FMNL2: variants seen among roughly 807,000 people sequenced by gnomAD.
The protein encoded by FMNL2 is formin like 2.
FMNL2 carries 51 observed loss-of-function variants against 130.2 expected under a neutral mutation model. The observed-to-expected ratio is 0.39, with a 90% CI of 0.31 to 0.49. The LOEUF (loss-of-function observed/expected upper bound fraction) is 0.49, where lower values mean the gene tolerates loss of function less well. Ranked by LOEUF, FMNL2 falls within the 20% of genes least tolerant of loss-of-function variation. The pLI is 0.85. For synonymous variants in FMNL2, 465 were observed against 467.1 expected (o/e 1.00, Z 0.06); for missense variants, 977 against 1,316.2 (o/e 0.74, Z 3.99).
Position 152,647,822 on chromosome 2 carries a change from G to A in FMNL2, c.3196G>A (p.Ala1066Thr), listed in dbSNP as rs748530572. Residue 1066 changes from alanine to threonine, a missense_variant, in exon 26 of 26, where the codon GCC becomes ACC. Physicochemically the swap from Ala to Thr is moderately conservative, Grantham distance 58 (BLOSUM62 0). This residue lies in a region of FMNL2 where 168 missense variants were observed against 168.8 expected (regional missense o/e 1.00). Transcript: ENST00000288670. ...TCTTAGAAACCAACCATACAGACGA[G>A]CCGATGCGGTGAGGAGAAGCGTCAG... Reference protein sequence around the residue: ...TDLRNQPYRRADAVRRSVRRR... With the variant: ...TDLRNQPYRRTDAVRRSVRRR... 2.5e-6 allele frequency: 4 copies of A among 1,613,974 alleles called. No homozygotes were observed. The Admixed American group carries it at 5.0e-5, about 20-fold the overall frequency.
At chr2:152,407,424 C>T (rs1008845384) in intron 1 of FMNL2, among the ~76,000 whole-genome samples, 2 of 152,100 alleles carry the variant, frequency 1.3e-5, no homozygotes, top group African/African-American at 4.8e-5. Context: ...TTTCTGCCGA[C>T]TCCTGACAGC....
chr2:152,517,833 T>A (rs1692860773), intron 1 of FMNL2, among the ~76,000 whole-genome samples: 1 of 152,212 alleles, frequency 6.6e-6, no homozygotes. Flanking sequence ...AGTGCGGACA[T>A]TCTGGTATAT....
intron 11 of FMNL2, among the ~76,000 whole-genome samples, chr2:152,611,852 T>G (rs912922878): frequency 1.3e-5 from 2 of 152,238 alleles, no homozygotes; most frequent in Admixed American, 6.5e-5. Flanking sequence ...GATAACCTCT[T>G]GCAGCCTTGC....
chr2:152,598,400 A>T (rs2105806279), intron 9 of FMNL2, among the ~76,000 whole-genome samples: 1 of 152,318 alleles, frequency 6.6e-6, no homozygotes, highest in South Asian at 2.1e-4. Flanking sequence ...TTTAAATACC[A>T]TTCTCAGGCT....
Position 152,580,980 on chromosome 2 carries a change from G to C in FMNL2, c.807G>C (p.Leu269=), listed in dbSNP as rs1469438161. 3.1e-6 allele frequency: 5 copies of C among 1,613,824 alleles called. No individual in the cohort carries two copies. Among genetic ancestry groups the C allele is most frequent in the Non-Finnish European group, 4.2e-6 (5 of 1,179,828 alleles). ...GAACAAAAGCCCTTGTCTTAGAACT[G>C]TTGGCAGCCGTTTGTCTTGTCAGAG... ...NPRTKALVLE[L]LAAVCLVRGG... is the part of the protein sequence containing the mutation. Residue 269 remains leucine, a synonymous_variant, in exon 9 of 26, where the codon CTG becomes CTC. Coordinates refer to ENST00000288670, the MANE Select transcript of FMNL2 (RefSeq NM_052905.4).
At chr2:152,484,150 C>T (rs1483660518) in intron 1 of FMNL2, among the ~76,000 whole-genome samples, 1 of 152,178 alleles carries the variant, frequency 6.6e-6, no homozygotes, top group African/African-American at 2.4e-5. Flanking sequence ...TTTCCTCCCT[C>T]CCATGCTGAA....
intron 13 of FMNL2, among the ~76,000 whole-genome samples, chr2:152,617,836 G>A (rs555484703): frequency 6.6e-6 from 1 of 152,100 alleles, no homozygotes; most frequent in Non-Finnish European, 1.5e-5. Flanking sequence ...AAGGCAAATG[G>A]CTTGCCTTTA....
intron 6 of FMNL2, among the ~76,000 whole-genome samples, chr2:152,565,727 T>C (rs1162679805): frequency 6.6e-6 from 1 of 152,172 alleles, no homozygotes; most frequent in East Asian, 1.9e-4. Flanking sequence ...ACCATTAATA[T>C]TTCTTCTACA....
At chr2:152,440,505 C>T (rs1687997818) in intron 1 of FMNL2, among the ~76,000 whole-genome samples, 1 of 152,170 alleles carries the variant, frequency 6.6e-6, no homozygotes, top group South Asian at 2.1e-4. Flanking sequence ...AGGAATTCTT[C>T]CCTTTGCCTT....
downstream of FMNL2, chr2:152,649,826 A>ATTCTGTAATATGTTG (rs1292830636): frequency 6.6e-6 from 1 of 152,610 alleles, no homozygotes; most frequent in East Asian, 1.9e-4. Context: ...TTACACTACT[A>ATTCTGTAATATGTTG]TTCTGTAATA....
At chr2:152,454,781 C>G (rs1015341312) in intron 1 of FMNL2, among the ~76,000 whole-genome samples, 1 of 152,180 alleles carries the variant, frequency 6.6e-6, no homozygotes, top group African/African-American at 2.4e-5. Flanking sequence ...TTGAGAGTGT[C>G]TGTTCATGCC....
intron 4 of FMNL2, among the ~76,000 whole-genome samples, chr2:152,553,350 A>T (rs1163085710): frequency 6.6e-6 from 1 of 152,148 alleles, no homozygotes; most frequent in Non-Finnish European, 1.5e-5. Flanking sequence ...TAGGTACTTT[A>T]CGTTTGTTAT....
At chr2:152,468,453 C>A (rs978603485) in intron 1 of FMNL2, among the ~76,000 whole-genome samples, 2 of 152,036 alleles carry the variant, frequency 1.3e-5, no homozygotes, top group African/African-American at 2.4e-5. Flanking sequence ...GGTATGTGAA[C>A]CTGTTTTTTT....
chr2:152,359,533 G>A (rs144921347), intron 1 of FMNL2, among the ~76,000 whole-genome samples: 8 of 150,478 alleles, frequency 5.3e-5, no homozygotes, highest in African/African-American at 2.0e-4. Flanking sequence ...ACTAGGGAGA[G>A]TCAGGCATTA....
chr2:152,437,409 A>C (rs1687823738), intron 1 of FMNL2, among the ~76,000 whole-genome samples: 1 of 152,192 alleles, frequency 6.6e-6, no homozygotes, highest in Non-Finnish European at 1.5e-5. Flanking sequence ...AATGTCTGAT[A>C]GTATACTGAG....
intron 25 of FMNL2, chr2:152,645,413 T>C (rs542264495): frequency 8.0e-7 from 1 of 1,257,252 alleles, no homozygotes; most frequent in East Asian, 5.6e-5. Flanking sequence ...TCATTTTGTG[T>C]TTTTGTTTTT....
Position 152,619,841 on chromosome 2 carries a change from GA to G in FMNL2, c.1837+126del, listed in dbSNP as rs1559015895. 2.7e-6 allele frequency: 4 copies of G among 1,478,448 alleles called. No individual in the cohort carries two copies. The African/African-American group carries it at 5.6e-5, about 21-fold the overall frequency. 91.6% of individuals were successfully genotyped at this position (1,478,448 alleles called of 1,614,324 possible). On this transcript the variant is annotated intron_variant, in intron 15 of 25. Coordinates refer to ENST00000288670, the MANE Select transcript of FMNL2 (RefSeq NM_052905.4). ...TGATGTGTATCTCTTCCTAGTATAA[GA>G]AATTCCTGCTGATGTAGCCGATAGA...
At chr2:152,429,390 G>A (rs940506727) in intron 1 of FMNL2, among the ~76,000 whole-genome samples, 1 of 152,098 alleles carries the variant, frequency 6.6e-6, no homozygotes, top group Non-Finnish European at 1.5e-5. Flanking sequence ...TGTGGGAAGT[G>A]GAGCATGAAC....
chr2:152,595,960 GTC>G (rs780986591), intron 9 of FMNL2, among the ~76,000 whole-genome samples: 1 of 142,546 alleles, frequency 7.0e-6, no homozygotes, highest in Non-Finnish European at 1.5e-5. Context: ...TTGCAAGGAA[GTC>G]TTTTTTTTTT....
Sources: allele counts gnomAD v4.1 joint callset (sites outside exome capture counted in the v4.1 genomes callset), GRCh38; gene constraint gnomAD v4.1.1; regional missense constraint gnomAD v4.1.1; transcripts MANE v1.5; gene names NCBI Gene and HGNC (gene_info 2026-07-23, HGNC 2026-07-21).